The following AOPEP variants were observed in gnomAD, a reference collection of about 807,000 sequenced individuals.
AOPEP encodes aminopeptidase O (putative), also known as aminopeptidase O.
In AOPEP, 77 loss-of-function variants were observed where a neutral mutation model predicts 98.1. That is an observed-to-expected ratio of 0.78 (90% confidence interval 0.65 to 0.95). The LOEUF (loss-of-function observed/expected upper bound fraction) is 0.95, where lower values mean the gene tolerates loss of function less well. AOPEP is among the 40% of genes least tolerant of loss of function. The probability of loss-of-function intolerance (pLI) is 0.00; values close to 1 mark genes in which losing one functional copy is unlikely to be tolerated. For missense variants in AOPEP, 1,024 were observed against 1,024.7 expected (o/e 1.00, Z 0.01); for synonymous variants, 346 against 365.3 (o/e 0.95, Z 0.60).
At chr9:95,038,963 A>C (rs1489833783) in intron 13 of AOPEP, among the ~76,000 whole-genome samples, 1 of 152,124 alleles carries the variant, frequency 6.6e-6, no homozygotes, top group Non-Finnish European at 1.5e-5. Context: ...TAGGATTGCC[A>C]GTAAATTTGG....
rs115539113 is a variant in AOPEP, at chr9:95,046,548, T to C, written c.2116-14146T>C. 2.7e-3 allele frequency among the ~76,000 whole-genome samples: 416 copies of C among 152,366 alleles called. 2 individuals are homozygous for C. The highest frequency in any genetic ancestry group is 9.1e-3 in the African/African-American group (379 of 41,582). ...GTTCTTATGCATTTGAAAACATGCA[T>C]AAAGCTTATTAGTGTTCTTAACATT... On this transcript the variant is annotated intron_variant, in intron 13 of 16. Coordinates refer to ENST00000375315, the MANE Select transcript of AOPEP (RefSeq NM_001193329.3).
chr9:95,133,534 C>T, the AOPEP span, among the ~76,000 whole-genome samples: 4 of 152,316 alleles, frequency 2.6e-5, no homozygotes, highest in East Asian at 1.9e-4. Context: ...GGACGGCCTG[C>T]GTTCTCTGTC....
At chr9:95,051,911 G>A (rs1244525016) in intron 13 of AOPEP, among the ~76,000 whole-genome samples, 5 of 152,094 alleles carry the variant, frequency 3.3e-5, no homozygotes, top group Non-Finnish European at 7.4e-5. Context: ...CACTGTGTTA[G>A]CCAGGATGGT....
At chr9:95,096,607 T>C in the AOPEP span, among the ~76,000 whole-genome samples, 1 of 151,658 alleles carries the variant, frequency 6.6e-6, no homozygotes, top group Non-Finnish European at 1.5e-5. Context: ...CAGGACAGGG[T>C]CCAGCCTCTA....
At chr9:95,136,763 C>T in the AOPEP span, among the ~76,000 whole-genome samples, 4 of 152,188 alleles carry the variant, frequency 2.6e-5, no homozygotes, top group Non-Finnish European at 5.9e-5. Context: ...GGAATACAGG[C>T]CTGAGCCCCA....
chr9:95,009,356 A>G (rs1465380778), intron 13 of AOPEP, among the ~76,000 whole-genome samples: 1 of 152,168 alleles, frequency 6.6e-6, no homozygotes, highest in Non-Finnish European at 1.5e-5. Flanking sequence ...GTATAGTAGA[A>G]TAGTCTTTTA....
At chr9:95,008,456 C>T (rs556650296) in intron 13 of AOPEP, among the ~76,000 whole-genome samples, 8 of 152,312 alleles carry the variant, frequency 5.3e-5, no homozygotes, top group South Asian at 2.1e-4. Context: ...CACGGTAGAA[C>T]GGCATCTTCC....
At chr9:94,806,919 G>A (rs1458007192) in intron 5 of AOPEP, among the ~76,000 whole-genome samples, 1 of 152,214 alleles carries the variant, frequency 6.6e-6, no homozygotes, top group African/African-American at 2.4e-5. Flanking sequence ...AAGTCAGGGA[G>A]ACAAGTAAAA....
intron 11 of AOPEP, among the ~76,000 whole-genome samples, chr9:94,999,157 C>A (rs1401995065): frequency 6.6e-6 from 1 of 151,440 alleles, no homozygotes; most frequent in Non-Finnish European, 1.5e-5. Flanking sequence ...CAAAAAACCC[C>A]AAAAAACCCA....
chr9:95,104,170 TC>T, the AOPEP span, among the ~76,000 whole-genome samples: 1 of 152,126 alleles, frequency 6.6e-6, no homozygotes, highest in Non-Finnish European at 1.5e-5. Context: ...GTGGGAGGGA[TC>T]CTTCCCCAGA....
chr9:95,072,291 T>C (rs10761374), intron 14 of AOPEP, among the ~76,000 whole-genome samples: 102,999 of 152,180 alleles, frequency 0.68, 35,371 homozygotes, highest in Non-Finnish European at 0.73. Context: ...TATCTGGCTC[T>C]TGAAGGAAAA....
At chr9:94,726,862 C>T (rs1008942701) in intron 1 of AOPEP, 111 bp downstream of exon 1, 2 of 152,490 alleles carry the variant, frequency 1.3e-5, no homozygotes, top group African/African-American at 4.8e-5. Flanking sequence ...CTCCCTTACC[C>T]TCACTTTTGC....
At chr9:95,123,917 T>C in the AOPEP span, 1 of 413,424 alleles carries the variant, frequency 2.4e-6, no homozygotes, top group East Asian at 5.4e-5. Flanking sequence ...TTGAGAAAAA[T>C]AAAATGGAAA....
chr9:95,128,839 T>G, the AOPEP span, among the ~76,000 whole-genome samples: 1 of 152,082 alleles, frequency 6.6e-6, no homozygotes, highest in Non-Finnish European at 1.5e-5. Context: ...TTAAAACAGG[T>G]AAGAGGCCAG....
At chr9:94,784,836 T>G (rs2133249562) in intron 3 of AOPEP, among the ~76,000 whole-genome samples, 1 of 152,150 alleles carries the variant, frequency 6.6e-6, no homozygotes, top group South Asian at 2.1e-4. Context: ...AGGCTGGTCT[T>G]GAACTCTGGA....
chr9:94,975,236 C>CTAATAA (rs151054028), intron 10 of AOPEP, among the ~76,000 whole-genome samples: 6 of 151,164 alleles, frequency 4.0e-5, no homozygotes, highest in African/African-American at 7.3e-5. Flanking sequence ...GACTCTGTCT[C>CTAATAA]TAATAATAAT....
intron 14 of AOPEP, among the ~76,000 whole-genome samples, chr9:95,068,388 T>C (rs2068127856): frequency 6.6e-6 from 1 of 152,248 alleles, no homozygotes; most frequent in Admixed American, 6.5e-5. Context: ...CCCACTGTCG[T>C]CGTCATTCCT....
At position 94,909,513 on chromosome 9, in the gene AOPEP, A is replaced by C. The variant is rs943710981; in HGVS notation, c.1365-14473A>C. Among the ~76,000 whole-genome samples, 4 of 152,294 alleles carry C rather than the reference A, an allele frequency of 2.6e-5. No homozygotes were observed. The East Asian group carries it at 7.7e-4, about 29-fold the overall frequency. On this transcript the variant is annotated intron_variant, in intron 5 of 16. Transcript: ENST00000375315. ...TTTTCCTCTCACATGAAACTGGTCA[A>C]CCAACCACCAAAACAAAGAAAAGGA...
At chr9:95,135,932 G>GTA in the AOPEP span, among the ~76,000 whole-genome samples, 2 of 152,200 alleles carry the variant, frequency 1.3e-5, no homozygotes, top group Non-Finnish European at 2.9e-5. Context: ...CTAACTGTAT[G>GTA]ATCTCAGAGA....
Sources: gnomAD v4.1 joint callset for allele counts (sites outside exome capture counted in the v4.1 genomes callset) on GRCh38, gnomAD v4.1.1 for gene constraint, MANE v1.5 for transcripts, NCBI Gene and HGNC (gene_info 2026-07-23, HGNC 2026-07-21) for gene names.